The following WWOX variants were observed in gnomAD, a reference collection of about 807,000 sequenced individuals.
WWOX encodes the protein WW domain containing oxidoreductase, also known as WW domain-containing oxidoreductase.
A neutral mutation model predicts 46.2 loss-of-function variants in WWOX; 69 were observed. The ratio of observed to expected loss-of-function variants is 1.49; its 90% CI spans 1.23 to 1.82. The LOEUF (loss-of-function observed/expected upper bound fraction) is 1.82. Ranked by LOEUF, WWOX falls within the 40% of genes most tolerant of loss-of-function variation. The probability of loss-of-function intolerance (pLI) is 0.00; values close to 1 mark genes in which losing one functional copy is unlikely to be tolerated. For synonymous variants in WWOX, 359 were observed against 202.6 expected (o/e 1.77, Z -6.56); for missense variants, 919 against 542.6 (o/e 1.69, Z -6.89).
chr16:78,506,783 T>C (rs1334696425), intron 8 of WWOX, among the ~76,000 whole-genome samples: 1 of 149,144 alleles, frequency 6.7e-6, no homozygotes, highest in Non-Finnish European at 1.5e-5. Flanking sequence ...AATCTCTGTA[T>C]GCTCCCTGCA....
chr16:78,452,901 C>G lies in WWOX; in HGVS notation c.1056+20149C>G, dbSNP rs367654230. On this transcript the variant is annotated intron_variant, in intron 8 of 8. Transcript: ENST00000566780. ...TATATACATATTTTTGAGAGGGAAT[C>G]TTACTCTGTTGCCCAGGCTAAAGTA... Among the ~76,000 whole-genome samples, 143 of 128,262 alleles carry G rather than the reference C, an allele frequency of 1.1e-3. 5 individuals are homozygous for G. The South Asian group carries it at 0.031, about 27-fold the overall frequency. 84.1% of individuals were successfully genotyped at this position (128,262 alleles called of 152,430 possible).
At chr16:78,101,048 C>CTT (rs111425708) in intron 1 of WWOX, among the ~76,000 whole-genome samples, 19 of 147,910 alleles carry the variant, frequency 1.3e-4, no homozygotes, top group African/African-American at 1.7e-4. Flanking sequence ...GAGGGTTTTT[C>CTT]TTTTTTTTTT....
intron 4 of WWOX, among the ~76,000 whole-genome samples, chr16:78,125,950 T>C (rs8056930): frequency 0.45 from 67,716 of 151,860 alleles, 15,109 homozygotes; most frequent in East Asian, 0.51. Context: ...AAAATAAAAA[T>C]AAGAATAAAA....
At chr16:78,714,266 T>C (rs1055045112) in intron 8 of WWOX, among the ~76,000 whole-genome samples, 1 of 152,140 alleles carries the variant, frequency 6.6e-6, no homozygotes, top group African/African-American at 2.4e-5. Flanking sequence ...GACTCATAGT[T>C]GCACATGGCT....
chr16:78,206,697 G>A (rs753590988), intron 5 of WWOX, among the ~76,000 whole-genome samples: 13 of 152,030 alleles, frequency 8.6e-5, no homozygotes, highest in Non-Finnish European at 1.8e-4. Context: ...ATTACCTCCA[G>A]GGTTCAGATA....
intron 5 of WWOX, among the ~76,000 whole-genome samples, chr16:78,299,164 G>C (rs2079996098): frequency 1.3e-5 from 2 of 152,154 alleles, no homozygotes; most frequent in African/African-American, 4.8e-5. Flanking sequence ...TCTCAGAACG[G>C]AAAACTCTTG....
At chr16:78,686,842 A>G (rs1045557392) in intron 8 of WWOX, among the ~76,000 whole-genome samples, 2 of 152,178 alleles carry the variant, frequency 1.3e-5, no homozygotes, top group Admixed American at 1.3e-4. Flanking sequence ...TTCGTTTTCG[A>G]AACTCACCCA....
intron 6 of WWOX, among the ~76,000 whole-genome samples, chr16:78,387,838 T>A (rs1258494738): frequency 2.6e-5 from 4 of 152,136 alleles, no homozygotes; most frequent in Admixed American, 6.5e-5. Context: ...TAGCACAGGT[T>A]GTGCGAAGGA....
At chr16:78,849,949 G>A (rs944795208) in intron 8 of WWOX, among the ~76,000 whole-genome samples, 4 of 152,132 alleles carry the variant, frequency 2.6e-5, no homozygotes, top group Non-Finnish European at 4.4e-5. Flanking sequence ...GCACAGGCCT[G>A]TAATCCCAGC....
intron 5 of WWOX, among the ~76,000 whole-genome samples, chr16:78,183,358 A>G (rs147920122): frequency 1.6e-4 from 24 of 152,320 alleles, no homozygotes; most frequent in African/African-American, 5.8e-4. Context: ...TGTATTTCTC[A>G]TCACTTTTGG....
chr16:78,366,550 C>G (rs2081540138), intron 5 of WWOX, among the ~76,000 whole-genome samples: 1 of 152,156 alleles, frequency 6.6e-6, no homozygotes, highest in African/African-American at 2.4e-5. Flanking sequence ...AAATAGTGGT[C>G]AACTAACTGT....
intron 8 of WWOX, among the ~76,000 whole-genome samples, chr16:78,928,450 C>T (rs1395833276): frequency 6.6e-6 from 1 of 152,086 alleles, no homozygotes; most frequent in South Asian, 2.1e-4. Context: ...GATCTGCCCG[C>T]CTCGGCCTCC....
At chr16:78,388,631 T>A (rs566641654) in intron 6 of WWOX, among the ~76,000 whole-genome samples, 40 of 101,546 alleles carry the variant, frequency 3.9e-4, no homozygotes, top group African/African-American at 1.7e-3. Context: ...TGGCGACAGA[T>A]TGAGACTCCG....
chr16:78,583,386 T>C (rs1306337985), intron 8 of WWOX, among the ~76,000 whole-genome samples: 1 of 152,198 alleles, frequency 6.6e-6, no homozygotes, highest in Non-Finnish European at 1.5e-5. Context: ...GAACCTTACC[T>C]ACTCAAGTGT....
intron 8 of WWOX, among the ~76,000 whole-genome samples, chr16:79,159,665 A>G (rs1006137889): frequency 6.6e-6 from 1 of 152,202 alleles, no homozygotes; most frequent in Admixed American, 6.5e-5. Context: ...ATCTTTTCAT[A>G]TTTAACAAGC....
At chr16:78,458,839 T>G (rs1367022499) in intron 8 of WWOX, among the ~76,000 whole-genome samples, 1 of 152,064 alleles carries the variant, frequency 6.6e-6, no homozygotes, top group East Asian at 1.9e-4. Flanking sequence ...ATGTAGAGGT[T>G]GGCAAAGGGG....
At chr16:79,176,096 A>G (rs1199039161) in intron 8 of WWOX, among the ~76,000 whole-genome samples, 2 of 152,190 alleles carry the variant, frequency 1.3e-5, no homozygotes, top group African/African-American at 4.8e-5. Context: ...CCCTATATGG[A>G]TTGTTTGCAC....
At chr16:78,221,281 A>G (rs2036878547) in intron 5 of WWOX, among the ~76,000 whole-genome samples, 1 of 152,196 alleles carries the variant, frequency 6.6e-6, no homozygotes, top group Non-Finnish European at 1.5e-5. Flanking sequence ...ATTGGAGTAA[A>G]CTGTTCGTTG....
chr16:78,552,966 G>A (rs77629071), intron 8 of WWOX: 8,094 of 152,378 alleles, frequency 0.053, 297 homozygotes, highest in African/African-American at 0.087. Flanking sequence ...AGAGGGAGAG[G>A]GGGAGAACTG....
Sources: gnomAD v4.1 joint callset for allele counts (sites outside exome capture counted in the v4.1 genomes callset) on GRCh38, gnomAD v4.1.1 for gene constraint, MANE v1.5 for transcripts, NCBI Gene and HGNC (gene_info 2026-07-23, HGNC 2026-07-21) for gene names.